The following ROBO1 variants were observed in gnomAD, a reference collection of about 807,000 sequenced individuals.
ROBO1 encodes roundabout guidance receptor 1.
ROBO1 carries 149 observed loss-of-function variants against 195.9 expected under a neutral mutation model. The ratio of observed to expected loss-of-function variants is 0.76; its 90% CI spans 0.67 to 0.87. The LOEUF is 0.87. Ranked by LOEUF, ROBO1 falls within the 40% of genes least tolerant of loss-of-function variation. The pLI is 0.00. For missense variants in ROBO1, 1,933 were observed against 2,068.3 expected (o/e 0.93, Z 1.27); for synonymous variants, 816 against 733.2 (o/e 1.11, Z -1.82).
intron 15 of ROBO1, among the ~76,000 whole-genome samples, chr3:78,661,790 C>T (rs559903952): frequency 2.6e-4 from 40 of 152,268 alleles, no homozygotes; most frequent in African/African-American, 9.4e-4. Flanking sequence ...AAGTTCACTA[C>T]TGCAGCACAA....
intron 2 of ROBO1, among the ~76,000 whole-genome samples, chr3:79,198,130 GGT>G (rs1345935017): frequency 6.6e-6 from 1 of 151,954 alleles, no homozygotes; most frequent in Non-Finnish European, 1.5e-5. Context: ...TGTCCTGAAT[GGT>G]ATTGCCTAGG....
intron 2 of ROBO1, among the ~76,000 whole-genome samples, chr3:79,563,168 T>C (rs1488031814): frequency 6.6e-6 from 1 of 152,062 alleles, no homozygotes; most frequent in Non-Finnish European, 1.5e-5. Context: ...TTTGTGGCAC[T>C]ATTTGTTTTG....
chr3:79,710,018 T>C (rs1320195718), intron 1 of ROBO1, among the ~76,000 whole-genome samples: 3 of 152,130 alleles, frequency 2.0e-5, no homozygotes, highest in Non-Finnish European at 4.4e-5. Context: ...ACCCAGTCTA[T>C]GAAATTTGTT....
chr3:78,619,686 G>A (rs1704334169), intron 26 of ROBO1, among the ~76,000 whole-genome samples: 1 of 151,926 alleles, frequency 6.6e-6, no homozygotes, highest in Non-Finnish European at 1.5e-5. Flanking sequence ...AGGGCATTTG[G>A]CAAAGGATGT....
intron 3 of ROBO1, among the ~76,000 whole-genome samples, chr3:79,050,845 T>C (rs1257587908): frequency 6.6e-6 from 1 of 152,156 alleles, no homozygotes; most frequent in African/African-American, 2.4e-5. Flanking sequence ...GAAATAAAGA[T>C]GTTCTTTGAA....
chr3:79,059,495 T>C (rs1365125945), intron 3 of ROBO1, among the ~76,000 whole-genome samples: 2 of 152,008 alleles, frequency 1.3e-5, no homozygotes, highest in Non-Finnish European at 1.5e-5. Context: ...AGCACATTTA[T>C]ATAAAAGGAA....
intron 18 of ROBO1, among the ~76,000 whole-genome samples, chr3:78,654,351 A>G (rs536282692): frequency 5.9e-5 from 9 of 152,312 alleles, no homozygotes; most frequent in South Asian, 2.1e-4. Context: ...TGAAAAACCT[A>G]TTTTCATAAG....
chr3:79,735,952 A>G (rs1370485487), intron 1 of ROBO1, among the ~76,000 whole-genome samples: 1 of 152,132 alleles, frequency 6.6e-6, no homozygotes, highest in African/African-American at 2.4e-5. Context: ...GTATCCAACA[A>G]TTATTTATTG....
At chr3:79,143,536 TCA>T (rs1340240163) in intron 2 of ROBO1, among the ~76,000 whole-genome samples, 1 of 152,088 alleles carries the variant, frequency 6.6e-6, no homozygotes, top group Admixed American at 6.6e-5. Context: ...TTTGCATCAA[TCA>T]CATGTGTATT....
chr3:78,913,630 C>A (rs1036483732), intron 4 of ROBO1, among the ~76,000 whole-genome samples: 2 of 151,940 alleles, frequency 1.3e-5, no homozygotes, highest in Non-Finnish European at 2.9e-5. Flanking sequence ...CTGATGTTTG[C>A]AGATGTATTA....
chr3:79,678,979 A>T (rs1188032153), intron 1 of ROBO1, among the ~76,000 whole-genome samples: 2 of 152,120 alleles, frequency 1.3e-5, no homozygotes, highest in South Asian at 2.1e-4. Context: ...AAGGTAATTA[A>T]TTTTTTTCTT....
intron 4 of ROBO1, among the ~76,000 whole-genome samples, chr3:78,825,998 C>T (rs1052062946): frequency 6.6e-6 from 1 of 152,146 alleles, no homozygotes; most frequent in Non-Finnish European, 1.5e-5. Flanking sequence ...TCTCAGATAT[C>T]CAAAAATCTC....
At chr3:78,610,887 C>T (rs968884655) in intron 28 of ROBO1, among the ~76,000 whole-genome samples, 1 of 151,992 alleles carries the variant, frequency 6.6e-6, no homozygotes, top group Non-Finnish European at 1.5e-5. Context: ...AAAATATCAC[C>T]AAGCAGGGAT....
intron 3 of ROBO1, among the ~76,000 whole-genome samples, chr3:78,959,813 A>G (rs1382259710): frequency 1.3e-5 from 2 of 152,172 alleles, no homozygotes; most frequent in Non-Finnish European, 2.9e-5. Flanking sequence ...GGTGTTTAAT[A>G]CACAGATAGC....
intron 2 of ROBO1, among the ~76,000 whole-genome samples, chr3:79,449,256 A>C (rs924395427): frequency 2.6e-5 from 4 of 152,082 alleles, no homozygotes; most frequent in African/African-American, 9.7e-5. Context: ...AAAAATAAAA[A>C]GATTCAGTAA....
At chr3:78,720,026 T>C (rs1052144885) in intron 5 of ROBO1, among the ~76,000 whole-genome samples, 7 of 152,158 alleles carry the variant, frequency 4.6e-5, no homozygotes, top group African/African-American at 1.7e-4. Context: ...AGTGTTAAAA[T>C]AACCTCACTT....
In ROBO1 at chr3:79,314,476, TGAA is replaced by T. The variant is rs1214926093; in HGVS notation, c.89-188940_89-188938del. Among the ~76,000 whole-genome samples the T allele has an allele frequency of 1.2e-4, 18 of 152,214 alleles. 1 individual carries two copies. The highest frequency in any genetic ancestry group is 1.1e-3 in the Admixed American group (17 of 15,276). The stretch of plus-strand genomic sequence containing the variant: ...CAGCACTTCTCTTTGCTGCCGCATG[TGAA>T]GAAGGACATGTTTGCTTCTCCTTCT... On this transcript the variant is annotated intron_variant, in intron 2 of 30. Coordinates refer to ENST00000464233, the MANE Select transcript of ROBO1 (RefSeq NM_002941.4).
intron 3 of ROBO1, among the ~76,000 whole-genome samples, chr3:79,051,959 A>G (rs1035222165): frequency 1.3e-5 from 2 of 152,064 alleles, no homozygotes; most frequent in Non-Finnish European, 2.9e-5. Flanking sequence ...TGATGAGTGC[A>G]TTATCTGTAC....
At chr3:79,016,040 A>G (rs2077924092) in intron 3 of ROBO1, among the ~76,000 whole-genome samples, 1 of 152,370 alleles carries the variant, frequency 6.6e-6, no homozygotes, top group Middle Eastern at 3.4e-3. Context: ...ACACTCCATT[A>G]ACAAGTGATA....
Sources: allele counts gnomAD v4.1 joint callset (sites outside exome capture counted in the v4.1 genomes callset), GRCh38; gene constraint gnomAD v4.1.1; transcripts MANE v1.5; gene names NCBI Gene and HGNC (gene_info 2026-07-23, HGNC 2026-07-21).